Variants in KAZN observed in about 807,000 individuals in gnomAD.
The protein encoded by KAZN is kazrin, periplakin interacting protein.
KAZN carries 40 observed loss-of-function variants against 87.4 expected under a neutral mutation model. The observed-to-expected ratio is 0.46, with a 90% CI of 0.36 to 0.60. The LOEUF (loss-of-function observed/expected upper bound fraction) is 0.60, where lower values mean the gene tolerates loss of function less well. Ranked by LOEUF, KAZN falls within the 20% of genes least tolerant of loss-of-function variation. The pLI, the probability that KAZN is intolerant of heterozygous loss-of-function variation, is 0.00. For synonymous variants in KAZN, 466 were observed against 458.3 expected (o/e 1.02, Z -0.22); for missense variants, 898 against 1,073.9 (o/e 0.84, Z 2.29).
intron 1 of KAZN, among the ~76,000 whole-genome samples, chr1:14,040,155 T>C (rs1181483792): frequency 6.6e-6 from 1 of 151,910 alleles, no homozygotes; most frequent in African/African-American, 2.4e-5. Context: ...ACTGGAGGGA[T>C]TTCATGTTTA....
chr1:15,027,100 G>C (rs76650470), intron 2 of KAZN, among the ~76,000 whole-genome samples: 1 of 5,716 alleles, frequency 1.7e-4, no homozygotes, highest in African/African-American at 6.0e-4. Flanking sequence ...TTTTTTTTTT[G>C]AGACAGAGTC....
chr1:14,549,703 A>G (rs1261319944), intron 2 of KAZN, among the ~76,000 whole-genome samples: 1 of 33,172 alleles, frequency 3.0e-5, no homozygotes, highest in Non-Finnish European at 5.6e-5. Flanking sequence ...GCCCCCTGCC[A>G]TGATTTGCAA....
chr1:15,047,453 C>T (rs556237418), intron 4 of KAZN, among the ~76,000 whole-genome samples: 2 of 152,178 alleles, frequency 1.3e-5, no homozygotes, highest in South Asian at 4.2e-4. Context: ...AGGTGGAGGG[C>T]GCAGCTTAGC....
intron 1 of KAZN, among the ~76,000 whole-genome samples, chr1:14,905,864 AAT>A (rs1357390982): frequency 1.4e-5 from 2 of 144,658 alleles, no homozygotes; most frequent in Admixed American, 1.4e-4. Flanking sequence ...TAATAATAAT[AAT>A]AATAATAATG....
intron 14 of KAZN, chr1:15,112,766 A>G (rs536672542): frequency 5.9e-5 from 28 of 475,602 alleles, no homozygotes; most frequent in African/African-American, 5.4e-4. Context: ...TAGCACCTGG[A>G]TCTCAAAGTG....
chr1:14,287,842 G>A (rs1653373576), intron 2 of KAZN, among the ~76,000 whole-genome samples: 2 of 152,176 alleles, frequency 1.3e-5, no homozygotes, highest in South Asian at 2.1e-4. Flanking sequence ...TTCTTATTTT[G>A]AGATATGTTC....
intron 1 of KAZN, among the ~76,000 whole-genome samples, chr1:14,875,482 T>TAA (rs34495884): frequency 0.01 from 1,349 of 134,110 alleles, 17 homozygotes; most frequent in African/African-American, 0.029. Context: ...CTTAATTTAT[T>TAA]AAAAAAAAAA....
Position 14,422,281 on chromosome 1 carries a change from A to G in KAZN, c.250-176702A>G, listed in dbSNP as rs1225605931. 2.0e-5 allele frequency among the ~76,000 whole-genome samples: 3 copies of G among 152,196 alleles called. No individual in the cohort carries two copies. The East Asian group carries it at 5.8e-4, about 29-fold the overall frequency. Reference sequence around the variant, plus strand: ...CATCCGTGGGCTTCCGTGTTTACTCAGCTATCTGCCCTAAAAACACTTGCT... The same window carrying G: ...CATCCGTGGGCTTCCGTGTTTACTCGGCTATCTGCCCTAAAAACACTTGCT... On this transcript the variant is annotated intron_variant, in intron 2 of 16. Coordinates refer to the KAZN transcript ENST00000636203.
intron 2 of KAZN, among the ~76,000 whole-genome samples, chr1:15,014,687 A>T (rs1669902591): frequency 6.6e-6 from 1 of 152,032 alleles, no homozygotes; most frequent in Non-Finnish European, 1.5e-5. Context: ...CTTGGCACAT[A>T]CCTCTTGCTT....
In KAZN at chr1:15,044,165, A is replaced by G. The variant is rs911712965; in HGVS notation, c.726+6A>G. On this transcript the variant is annotated splice_donor_region_variant and intron_variant, in intron 4 of 14. Transcript: ENST00000376030. ...TGGAGGCCGAGCTGGCCATGGTGAGAACCCTCCCCACCCAGGTGGGCCTGG... is the reference window on the plus strand; with the variant it reads ...TGGAGGCCGAGCTGGCCATGGTGAGGACCCTCCCCACCCAGGTGGGCCTGG... The G allele has an allele frequency of 4.0e-6, 6 of 1,500,738 alleles. No homozygotes were observed. The highest frequency in any genetic ancestry group is 5.4e-6 in the Non-Finnish European group (6 of 1,113,876). 93.0% of individuals were successfully genotyped at this position (1,500,738 alleles called of 1,614,324 possible). A position where few individuals can be genotyped will look rare whatever the true frequency, so the allele number is the denominator to read the frequency against.
At chr1:14,244,080 T>A (rs1649264328) in intron 2 of KAZN, among the ~76,000 whole-genome samples, 1 of 152,222 alleles carries the variant, frequency 6.6e-6, no homozygotes, top group South Asian at 2.1e-4. Flanking sequence ...AAAATTATCA[T>A]TAAACATCAC....
At chr1:14,978,836 T>A (rs984507353) in intron 2 of KAZN, among the ~76,000 whole-genome samples, 1 of 152,016 alleles carries the variant, frequency 6.6e-6, no homozygotes, top group Non-Finnish European at 1.5e-5. Flanking sequence ...CAGAGTCTGT[T>A]AGGAGTAAAC....
Position 14,805,698 on chromosome 1 carries a change from T to TTCC in KAZN, c.227-154985_227-154984insCCT, listed in dbSNP as rs1401123776. On this transcript the variant is annotated intron_variant, in intron 1 of 14. Transcript: ENST00000376030. ...ATCACTTGAACCTGGGAGGTGGAGGTTGCAGTGAGCAGAGATCGCGCCAAT... is the reference window on the plus strand; with the variant it reads ...ATCACTTGAACCTGGGAGGTGGAGGTTCCTGCAGTGAGCAGAGATCGCGCCAAT... 2.0e-5 allele frequency among the ~76,000 whole-genome samples: 3 copies of TTCC among 150,868 alleles called. No homozygotes were observed. In the East Asian group the frequency reaches 5.9e-4, roughly 29 times the overall value.
chr1:14,529,520 G>A (rs138874857), intron 2 of KAZN, among the ~76,000 whole-genome samples: 2 of 152,336 alleles, frequency 1.3e-5, no homozygotes, highest in African/African-American at 4.8e-5. Context: ...TGAGAGAAGA[G>A]TGTCTTGTAG....
intron 1 of KAZN, among the ~76,000 whole-genome samples, chr1:14,740,907 A>G (rs1354662804): frequency 1.3e-5 from 2 of 152,188 alleles, no homozygotes; most frequent in Non-Finnish European, 2.9e-5. Context: ...TTCCTGGGGA[A>G]TGACAGACAC....
chr1:14,758,366 TC>T (rs1297441887), intron 1 of KAZN, among the ~76,000 whole-genome samples: 3 of 151,976 alleles, frequency 2.0e-5, no homozygotes, highest in Admixed American at 1.3e-4. Flanking sequence ...AGAGTTGGGG[TC>T]TTGCCGTGTT....
intron 1 of KAZN, among the ~76,000 whole-genome samples, chr1:14,043,910 G>T (rs1570599902): frequency 6.6e-6 from 1 of 152,310 alleles, no homozygotes; most frequent in East Asian, 1.9e-4. Flanking sequence ...TCAAGCCCTA[G>T]GGGCTGAGAA....
In KAZN at chr1:14,855,033, A is replaced by C. The variant is rs183651966; in HGVS notation, c.227-105651A>C. On this transcript the variant is annotated intron_variant, in intron 1 of 14. Coordinates refer to ENST00000376030, the MANE Select transcript of KAZN (RefSeq NM_201628.3). ...AAGGACACACAGGTGCAATTATTCC[A>C]GAAACACAAGCAGACCTGGAGTGCA... 1.5e-3 allele frequency among the ~76,000 whole-genome samples: 231 copies of C among 152,236 alleles called. 2 individuals carry two copies. Among genetic ancestry groups the C allele is most frequent in the African/African-American group, 5.3e-3 (221 of 41,562 alleles).
intron 1 of KAZN, among the ~76,000 whole-genome samples, chr1:13,971,125 C>A (rs879334404): frequency 1.3e-5 from 2 of 152,084 alleles, no homozygotes; most frequent in Non-Finnish European, 2.9e-5. Flanking sequence ...CTTAGGGTGG[C>A]CTTGGCTGGA....
Sources: allele counts gnomAD v4.1 joint callset (sites outside exome capture counted in the v4.1 genomes callset), GRCh38; gene constraint gnomAD v4.1.1; transcripts MANE v1.5; gene names NCBI Gene and HGNC (gene_info 2026-07-23, HGNC 2026-07-21).